Variants in DMD observed in about 807,000 individuals in gnomAD.
The protein encoded by DMD is dystrophin, also known as mutant dystrophin.
A neutral mutation model predicts 330.1 loss-of-function variants in DMD; 63 were observed. The observed-to-expected ratio is 0.19, with a 90% CI of 0.16 to 0.24. The LOEUF is 0.24. Among genes scored for constraint, DMD ranks in the 10% least tolerant of loss-of-function variants. DMD has a pLI of 1.00. For missense variants in DMD, 3,344 were observed against 2,684.1 expected (o/e 1.25, Z -5.43); for synonymous variants, 1,223 against 959.8 (o/e 1.27, Z -5.07).
chrX:31,578,657 C>T (rs1027757610), intron 55 of DMD, among the ~76,000 whole-genome samples: 2 of 111,705 alleles, frequency 1.8e-5, no homozygotes, highest in Non-Finnish European at 3.8e-5. Context: ...ATTTTTGATG[C>T]GCTACCAGAG....
At chrX:31,619,212 T>G (rs747832356) in intron 55 of DMD, among the ~76,000 whole-genome samples, 1 of 111,322 alleles carries the variant, frequency 9.0e-6, no homozygotes, top group Non-Finnish European at 1.9e-5. Context: ...CTGGGAGTAA[T>G]AAAATTTAGT....
intron 9 of DMD, among the ~76,000 whole-genome samples, chrX:32,659,626 T>C (rs1366448038): frequency 9.0e-6 from 1 of 111,284 alleles, no homozygotes; most frequent in Non-Finnish European, 1.9e-5. Flanking sequence ...ACATACTATA[T>C]GTTTGTTGAA....
intron 1 of DMD, among the ~76,000 whole-genome samples, chrX:33,315,761 C>T (rs1190031535): frequency 1.8e-5 from 2 of 111,854 alleles, no homozygotes; most frequent in African/African-American, 3.2e-5. Context: ...TCCTAAATTT[C>T]GCCATATAAG....
At chrX:32,765,312 T>G (rs28819398) in intron 7 of DMD, among the ~76,000 whole-genome samples, 5,331 of 110,140 alleles carry the variant, frequency 0.048, 323 homozygotes, top group African/African-American at 0.17. Flanking sequence ...ACTATTCTCG[T>G]GATAGAGAGT....
At chrX:32,621,360 G>T (rs2057974370) in intron 11 of DMD, among the ~76,000 whole-genome samples, 1 of 111,419 alleles carries the variant, frequency 9.0e-6, no homozygotes, top group Admixed American at 9.5e-5. Context: ...GATTTCTTGA[G>T]CTCTGCCCCA....
chrX:32,917,318 T>C (rs1601910947), intron 2 of DMD, among the ~76,000 whole-genome samples: 1 of 111,389 alleles, frequency 9.0e-6, no homozygotes, highest in Middle Eastern at 4.7e-3. Flanking sequence ...CAGTCTCAGG[T>C]AGTTCTTTAT....
chrX:32,363,820 A>G (rs1418057450), intron 36 of DMD, among the ~76,000 whole-genome samples: 1 of 112,320 alleles, frequency 8.9e-6, no homozygotes, highest in Non-Finnish European at 1.9e-5. Flanking sequence ...GTAAACAACT[A>G]ATCAATAAAT....
At chrX:31,713,937 C>A (rs1378227364) in intron 52 of DMD, among the ~76,000 whole-genome samples, 1 of 111,647 alleles carries the variant, frequency 9.0e-6, no homozygotes, top group Non-Finnish European at 1.9e-5. Flanking sequence ...GGGCAAGTTG[C>A]AAATATAATT....
At chrX:32,888,683 A>G (rs955685182) in intron 2 of DMD, among the ~76,000 whole-genome samples, 12 of 112,251 alleles carry the variant, frequency 1.1e-4, no homozygotes, top group Non-Finnish European at 1.9e-4. Context: ...AAATGACATC[A>G]GTATATCAAG....
chrX:31,688,706 T>G (rs1447697770), intron 52 of DMD, among the ~76,000 whole-genome samples: 1 of 111,466 alleles, frequency 9.0e-6, no homozygotes, highest in Non-Finnish European at 1.9e-5. Context: ...TGAACATCGA[T>G]GCAAAAATCC....
chrX:32,698,987 C>T, intron 8 of DMD, 125 bp downstream of exon 8: 2 of 602,142 alleles, frequency 3.3e-6, no homozygotes, highest in Non-Finnish European at 5.3e-6. Context: ...CATATACATA[C>T]ATTAGGCTTT....
intron 1 of DMD, among the ~76,000 whole-genome samples, chrX:33,313,449 A>G (rs1244588966): frequency 8.9e-6 from 1 of 111,740 alleles, no homozygotes; most frequent in African/African-American, 3.3e-5. Context: ...TATAATATCC[A>G]GGTTTTGTCA....
At chrX:31,967,547 C>A (rs2095362943) in intron 45 of DMD, among the ~76,000 whole-genome samples, 1 of 110,479 alleles carries the variant, frequency 9.1e-6, no homozygotes, top group South Asian at 3.8e-4. Flanking sequence ...TATTAAAATC[C>A]ACCTATTATG....
intron 48 of DMD, among the ~76,000 whole-genome samples, chrX:31,842,348 C>T (rs1013446629): frequency 3.6e-5 from 4 of 112,006 alleles, no homozygotes; most frequent in Non-Finnish European, 5.6e-5. Flanking sequence ...CTGGTGAAGA[C>T]GCTGTAAACA....
intron 60 of DMD, among the ~76,000 whole-genome samples, chrX:31,376,913 C>T (rs1227110302): frequency 4.5e-5 from 5 of 111,856 alleles, no homozygotes; most frequent in African/African-American, 6.5e-5. Flanking sequence ...AAAGCCCTTG[C>T]GGTTCTAACC....
intron 1 of DMD, among the ~76,000 whole-genome samples, chrX:33,123,425 G>GT (rs370671734): frequency 0.033 from 3,622 of 108,620 alleles, 155 homozygotes; most frequent in African/African-American, 0.11. Flanking sequence ...ACTTTCTTTT[G>GT]TTTTTTTTTG....
chrX:33,007,259 C>T (rs1032819413), intron 2 of DMD, among the ~76,000 whole-genome samples: 11 of 110,803 alleles, frequency 9.9e-5, no homozygotes, highest in African/African-American at 2.6e-4. Context: ...CAGATCCTAC[C>T]GCTCTTCCTC....
intron 2 of DMD, among the ~76,000 whole-genome samples, chrX:32,878,685 T>C (rs1028102063): frequency 3.6e-5 from 4 of 110,369 alleles, no homozygotes; most frequent in African/African-American, 1.3e-4. Context: ...TCTCTAATCA[T>C]GAAAAGAGTG....
intron 41 of DMD, among the ~76,000 whole-genome samples, chrX:32,335,848 CAT>C (rs1356299991): frequency 1.1e-4 from 11 of 102,871 alleles, no homozygotes; most frequent in Middle Eastern, 0.012. Flanking sequence ...GCATATATAA[CAT>C]GTTATATTCA....
Sources: allele counts gnomAD v4.1 joint callset (sites outside exome capture counted in the v4.1 genomes callset), GRCh38; gene constraint gnomAD v4.1.1; transcripts MANE v1.5; gene names NCBI Gene and HGNC (gene_info 2026-07-23, HGNC 2026-07-21).